Variants in KIAA1143 observed in about 807,000 individuals in gnomAD.
KIAA1143 encodes the protein KIAA1143, also known as uncharacterized protein KIAA1143.
In KIAA1143, 8 loss-of-function variants were observed where a neutral mutation model predicts 17.0. The observed-to-expected ratio is 0.47, with a 90% CI of 0.28 to 0.85. The LOEUF is 0.85. Ranked by LOEUF, KIAA1143 falls within the 40% of genes least tolerant of loss-of-function variation. KIAA1143 has a pLI of 0.12. For missense variants in KIAA1143, 162 were observed against 183.3 expected (o/e 0.88, Z 0.67); for synonymous variants, 64 against 67.8 (o/e 0.94, Z 0.27).
intron 1 of KIAA1143, among the ~76,000 whole-genome samples, chr3:44,755,853 C>G (rs1393262507): frequency 6.6e-6 from 1 of 152,238 alleles, no homozygotes; most frequent in East Asian, 1.9e-4. Context: ...ATTTGTTGAT[C>G]TACTCATGAA....
intron 2 of KIAA1143, 198 bp from the exon 3 acceptor site, chr3:44,753,750 T>G (rs1341435777): frequency 5.9e-6 from 1 of 168,756 alleles, no homozygotes; most frequent in Non-Finnish European, 1.2e-5. Context: ...GCTAAAGTAT[T>G]CTATAATATT....
intron 1 of KIAA1143, among the ~76,000 whole-genome samples, chr3:44,758,015 C>T (rs1323122824): frequency 6.6e-6 from 1 of 152,174 alleles, no homozygotes. Flanking sequence ...TATGCAATAT[C>T]ATTATGTCTA....
chr3:44,756,114 C>T (rs1189653563), intron 1 of KIAA1143, among the ~76,000 whole-genome samples: 2 of 152,162 alleles, frequency 1.3e-5, no homozygotes. Flanking sequence ...TAAAATCATT[C>T]CTTTTGTTTG....
rs139748708 is a variant in KIAA1143 at position 44,758,053 on chromosome 3, G to A, written c.108+3442C>T. Among the ~76,000 whole-genome samples, 292 of 152,256 alleles carry A rather than the reference G, an allele frequency of 1.9e-3. 4 individuals are homozygous for A. The highest frequency in any genetic ancestry group is 6.0e-3 in the African/African-American group (251 of 41,532). ...AAAATCTAGATCCCATTAAGTACAC[G>A]ATTCATGGGAGGAGGCAAAATATCA... On this transcript the variant is annotated intron_variant, in intron 1 of 2. Coordinates refer to ENST00000296121, the MANE Select transcript of KIAA1143 (RefSeq NM_020696.4).
Position 44,751,358 on chromosome 3 carries a change from A to G in KIAA1143, c.*1983T>C, listed in dbSNP as rs1704890368. The G allele has an allele frequency of 1.3e-5, 2 of 152,276 alleles. No homozygotes were observed. Among genetic ancestry groups the G allele is most frequent in the South Asian group, 2.1e-4 (1 of 4,818 alleles). 9.4% of individuals were successfully genotyped at this position (152,276 alleles called of 1,614,324 possible). On this transcript the variant is annotated 3_prime_UTR_variant, in exon 3 of 3. Coordinates refer to ENST00000296121, the MANE Select transcript of KIAA1143 (RefSeq NM_020696.4). ...GAGTTAGCGGGATTGCAACTTCCCTATCCTATTACCAACGCTTGTCCAAGG... is the reference window on the plus strand; with the variant it reads ...GAGTTAGCGGGATTGCAACTTCCCTGTCCTATTACCAACGCTTGTCCAAGG...
At chr3:44,756,220 A>G (rs752819294) in intron 1 of KIAA1143, among the ~76,000 whole-genome samples, 15 of 152,234 alleles carry the variant, frequency 9.9e-5, no homozygotes, top group Non-Finnish European at 1.9e-4. Context: ...GGACAGTGGC[A>G]GTAGCCACTG....
At chr3:44,754,111 G>T in intron 2 of KIAA1143, 113 bp downstream of exon 2, 2 of 1,053,736 alleles carry the variant, frequency 1.9e-6, no homozygotes, top group Non-Finnish European at 2.8e-6. Flanking sequence ...CAAAGCTAAG[G>T]CTTGAACCCG....
intron 1 of KIAA1143, among the ~76,000 whole-genome samples, chr3:44,757,977 C>T (rs1005557593): frequency 1.3e-5 from 2 of 152,178 alleles, no homozygotes; most frequent in Non-Finnish European, 2.9e-5. Flanking sequence ...TATGTTCACA[C>T]TATACACTAA....
In KIAA1143 at chr3:44,750,096, T is replaced by C. The variant is rs1704874792; in HGVS notation, c.*3245A>G. On this transcript the variant is annotated 3_prime_UTR_variant, in exon 3 of 3. Coordinates refer to ENST00000296121, the MANE Select transcript of KIAA1143 (RefSeq NM_020696.4). ...GAGCCATTGTGTCTGGCCTGGGTGA[T>C]TCTTTATCTGACATAGAGGTTGGGA... 1 of 152,224 alleles carries C rather than the reference T, an allele frequency of 6.6e-6. No homozygotes were observed. The highest frequency in any genetic ancestry group is 1.5e-5 in the Non-Finnish European group (1 of 68,048). 9.4% of individuals were successfully genotyped at this position (152,224 alleles called of 1,614,324 possible).
intron 2 of KIAA1143, 127 bp downstream of exon 2, chr3:44,754,097 G>C (rs1444956011): frequency 4.8e-6 from 4 of 832,758 alleles, no homozygotes; most frequent in Non-Finnish European, 5.8e-6. Flanking sequence ...CATCTGGTAA[G>C]TGTCAAAGCT....
intron 1 of KIAA1143, among the ~76,000 whole-genome samples, chr3:44,755,327 G>T (rs1480992019): frequency 2.0e-5 from 3 of 152,028 alleles, no homozygotes; most frequent in Non-Finnish European, 4.4e-5. Context: ...AATGTTAACA[G>T]TTCACTAGAG....
chr3:44,753,271 T>C lies in KIAA1143; in HGVS notation c.*70A>G. The C allele has an allele frequency of 2.5e-6, 3 of 1,211,482 alleles. No individual in the cohort carries two copies. Among genetic ancestry groups the C allele is most frequent in the South Asian group, 1.4e-5 (1 of 72,520 alleles). The allele number at this position is 1,211,482 out of a possible 1,614,324, so 75.0% of individuals were successfully genotyped here. On this transcript the variant is annotated 3_prime_UTR_variant, in exon 3 of 3. Transcript: ENST00000296121. ...TAAAGAACTTGTAGTATCTTTATAATAGGAAAAAATGTGATTTTAATGAAC... is the reference window on the plus strand; with the variant it reads ...TAAAGAACTTGTAGTATCTTTATAACAGGAAAAAATGTGATTTTAATGAAC...
Position 44,751,078 on chromosome 3 carries a change from A to G in KIAA1143, c.*2263T>C, listed in dbSNP as rs1346801003. 2 of 151,382 alleles carry G rather than the reference A, an allele frequency of 1.3e-5. No individual in the cohort carries two copies. Among genetic ancestry groups the G allele is most frequent in the Non-Finnish European group, 1.5e-5 (1 of 67,928 alleles). 9.4% of individuals were successfully genotyped at this position (151,382 alleles called of 1,614,324 possible). On this transcript the variant is annotated 3_prime_UTR_variant, in exon 3 of 3. Coordinates refer to ENST00000296121, the MANE Select transcript of KIAA1143 (RefSeq NM_020696.4). ...CTTGTGAAATGTTCTAGCAAAGCCA[A>G]TCTAGGAGAGTCTATATGGACAATG... is the stretch of plus-strand genomic sequence containing the variant.
rs536630003 is a variant in KIAA1143, at chr3:44,760,175, CT to C, written c.108+1319del. Reference sequence around the variant, plus strand: ...AGTTAGGGCCTTGCTCTAGATTAGGCTTTGGTTAAAGGGAATGTTGTGGCTG... The same window carrying C: ...AGTTAGGGCCTTGCTCTAGATTAGGCTTGGTTAAAGGGAATGTTGTGGCTG... On this transcript the variant is annotated intron_variant, in intron 1 of 2. Coordinates refer to ENST00000296121, the MANE Select transcript of KIAA1143 (RefSeq NM_020696.4). Among the ~76,000 whole-genome samples the C allele has an allele frequency of 2.1e-3, 316 of 152,274 alleles. 1 individual carries two copies. The highest frequency in any genetic ancestry group is 4.6e-3 in the South Asian group (22 of 4,824).
Position 44,750,426 on chromosome 3 carries a change from T to C in KIAA1143, c.*2915A>G, listed in dbSNP as rs1408420294. On this transcript the variant is annotated 3_prime_UTR_variant, in exon 3 of 3. Coordinates refer to ENST00000296121, the MANE Select transcript of KIAA1143 (RefSeq NM_020696.4). ...GTATGAGAGTTCTAAAATTCTGATA[T>C]GTCTTAATATATGTTGTAATGATTA... The C allele has an allele frequency of 6.6e-6, 1 of 151,004 alleles. No individual in the cohort carries two copies. Among genetic ancestry groups the C allele is most frequent in the Non-Finnish European group, 1.5e-5 (1 of 67,834 alleles). 9.4% of individuals were successfully genotyped at this position (151,004 alleles called of 1,614,324 possible).
chr3:44,751,611 T>A lies in KIAA1143; in HGVS notation c.*1730A>T, dbSNP rs1373378479. On this transcript the variant is annotated 3_prime_UTR_variant, in exon 3 of 3. Coordinates refer to ENST00000296121, the MANE Select transcript of KIAA1143 (RefSeq NM_020696.4). ...ACTAGCTGACTGGGCCTCTAAAATA[T>A]GACAACAGCTGGGGCACCTAAAGGG... The A allele has an allele frequency of 6.6e-6, 1 of 152,176 alleles. No individual in the cohort carries two copies. Among genetic ancestry groups the A allele is most frequent in the African/African-American group, 2.4e-5 (1 of 41,432 alleles). 9.4% of individuals were successfully genotyped at this position (152,176 alleles called of 1,614,324 possible).
chr3:44,760,377 T>G (rs1705064741), intron 1 of KIAA1143, among the ~76,000 whole-genome samples: 1 of 152,218 alleles, frequency 6.6e-6, no homozygotes, highest in African/African-American at 2.4e-5. Flanking sequence ...ATTTACGGCT[T>G]CTGCTTACTC....
At position 44,761,569 on chromosome 3, in the gene KIAA1143, G is replaced by A; in HGVS notation, c.34C>T (p.Pro12Ser). ...SKRNQVSYVR[P>S]AEPAFLARFK... The stretch of plus-strand genomic sequence containing the variant: ...CGGGCCAGAAACGCCGGCTCGGCTG[G>A]CCGCACGTACGATACCTGGTTCCGC... Residue 12 changes from proline (P) to serine (S), a missense_variant, in exon 1 of 3, where the codon CCA (proline) becomes TCA (serine). Pro to Ser is a moderately conservative substitution (Grantham distance 74). Coordinates refer to ENST00000296121, the MANE Select transcript of KIAA1143 (RefSeq NM_020696.4). The A allele has an allele frequency of 6.2e-7, 1 of 1,614,104 alleles. No homozygotes were observed. The highest frequency in any genetic ancestry group is 8.5e-7 in the Non-Finnish European group (1 of 1,180,030).
rs1704878495 is a variant in KIAA1143, at chr3:44,750,335, AGGT to A, written c.*3003_*3005del. Reference sequence around the variant, plus strand: ...TATACAGGAAACATTGTCAAGTGTGAGGTGGTGTTTAGCTTCCTTTGGGTTATA... The same window carrying A: ...TATACAGGAAACATTGTCAAGTGTGAGGTGTTTAGCTTCCTTTGGGTTATA... On this transcript the variant is annotated 3_prime_UTR_variant, in exon 3 of 3. Coordinates refer to ENST00000296121, the MANE Select transcript of KIAA1143 (RefSeq NM_020696.4). The A allele has an allele frequency of 6.6e-6, 1 of 152,188 alleles. No individual in the cohort carries two copies. The highest frequency in any genetic ancestry group is 1.9e-4 in the East Asian group (1 of 5,196). The allele number at this position is 152,188 out of a possible 1,614,324, so 9.4% of individuals were successfully genotyped here. A position where few individuals can be genotyped will look rare whatever the true frequency, so the allele number is the denominator to read the frequency against.
Sources: gnomAD v4.1 joint callset for allele counts (sites outside exome capture counted in the v4.1 genomes callset) on GRCh38, gnomAD v4.1.1 for gene constraint, MANE v1.5 for transcripts, NCBI Gene and HGNC (gene_info 2026-07-23, HGNC 2026-07-21) for gene names.